The following MAMDC2 variants were observed in gnomAD, a reference collection of about 807,000 sequenced individuals.
MAMDC2 encodes MAM domain containing 2, also known as MAM domain-containing protein 2.
Under a neutral mutation model 89.8 loss-of-function variants are expected in MAMDC2, and 57 were observed. The observed-to-expected ratio is 0.63, with a 90% confidence interval of 0.51 to 0.79. The LOEUF (loss-of-function observed/expected upper bound fraction) is 0.79. Ranked by LOEUF, MAMDC2 falls within the 30% of genes least tolerant of loss-of-function variation. MAMDC2 has a pLI of 0.00. For missense variants in MAMDC2, 800 were observed against 820.6 expected, an observed-to-expected ratio of 0.97 and a Z score of 0.31; for synonymous variants, 313 against 293.4, an observed-to-expected ratio of 1.07 and a Z score of -0.68.
intron 11 of MAMDC2, among the ~76,000 whole-genome samples, chr9:70,183,784 T>G (rs895361401): frequency 1.2e-4 from 18 of 152,190 alleles, no homozygotes; most frequent in Non-Finnish European, 1.8e-4. Flanking sequence ...CACTGATGGG[T>G]CTTGACTCTA....
chr9:70,181,785 A>G (rs1391291613), intron 11 of MAMDC2, among the ~76,000 whole-genome samples: 1 of 152,156 alleles, frequency 6.6e-6, no homozygotes, highest in Non-Finnish European at 1.5e-5. Flanking sequence ...TAAATATACA[A>G]TCATGTCATC....
At chr9:70,101,868 A>G (rs995878399) in intron 2 of MAMDC2, among the ~76,000 whole-genome samples, 2 of 152,248 alleles carry the variant, frequency 1.3e-5, no homozygotes, top group Non-Finnish European at 2.9e-5. Context: ...TCAGTTTTAC[A>G]GTCTAAAGTC....
At chr9:70,116,406 G>A (rs1157487309) in intron 5 of MAMDC2, among the ~76,000 whole-genome samples, 1 of 152,186 alleles carries the variant, frequency 6.6e-6, no homozygotes, top group Non-Finnish European at 1.5e-5. Flanking sequence ...CCTAGGGATA[G>A]AGAAAGAGCC....
chr9:70,194,106 T>A (rs1174283911), intron 11 of MAMDC2: 1 of 152,110 alleles, frequency 6.6e-6, no homozygotes, highest in Non-Finnish European at 1.5e-5. Flanking sequence ...GGTGATGCAA[T>A]AAACCTTTCC....
intron 11 of MAMDC2, among the ~76,000 whole-genome samples, chr9:70,211,875 G>C (rs977005658): frequency 1.3e-5 from 2 of 152,214 alleles, no homozygotes; most frequent in African/African-American, 4.8e-5. Context: ...AGGTCTGTTG[G>C]AGTTTGCTGG....
intron 11 of MAMDC2, among the ~76,000 whole-genome samples, chr9:70,213,683 T>C (rs149622381): frequency 9.1e-4 from 139 of 152,362 alleles, no homozygotes; most frequent in Middle Eastern, 3.4e-3. Context: ...CATCATTGAA[T>C]GTGCAAAACC....
chr9:70,088,456 T>C (rs1827820231), intron 2 of MAMDC2: 1 of 152,130 alleles, frequency 6.6e-6, no homozygotes, highest in African/African-American at 2.4e-5. Context: ...TTGACTTTGA[T>C]CAAGTTTCTC....
chr9:70,058,412 G>T (rs772440255), intron 2 of MAMDC2, among the ~76,000 whole-genome samples: 1 of 152,056 alleles, frequency 6.6e-6, no homozygotes, highest in African/African-American at 2.4e-5. Flanking sequence ...GGTCTCAAAG[G>T]GTCCTTGTGA....
At chr9:70,082,326 C>A (rs565914215) in intron 2 of MAMDC2, among the ~76,000 whole-genome samples, 1 of 152,150 alleles carries the variant, frequency 6.6e-6, no homozygotes, top group Admixed American at 6.5e-5. Flanking sequence ...GGTAACAGCC[C>A]TTATGTAAGC....
At chr9:70,126,083 A>G in intron 5 of MAMDC2, 76 bp from the exon 6 acceptor site, 1 of 1,432,544 alleles carries the variant, frequency 7.0e-7, no homozygotes, top group Non-Finnish European at 9.5e-7. Flanking sequence ...ATGCAGAATC[A>G]CACCATTTCG....
chr9:70,083,704 T>C (rs1827706319), intron 2 of MAMDC2: 1 of 151,354 alleles, frequency 6.6e-6, no homozygotes, highest in South Asian at 2.1e-4. Context: ...CTTTCTTTTT[T>C]TTTTTTTTTT....
chr9:70,167,110 T>C lies in MAMDC2; in HGVS notation c.1405-1592T>C, dbSNP rs1266119553. Reference sequence around the variant, plus strand: ...AGATCATCTCTAGAATCTATAAACATGAGAAAATTAACAGAAGTAAACGAG... The same window carrying C: ...AGATCATCTCTAGAATCTATAAACACGAGAAAATTAACAGAAGTAAACGAG... On this transcript the variant is annotated intron_variant, in intron 9 of 13. Coordinates refer to ENST00000377182, the MANE Select transcript of MAMDC2 (RefSeq NM_153267.5). Among the ~76,000 whole-genome samples, 4 of 152,082 alleles carry C rather than the reference T, an allele frequency of 2.6e-5. No homozygotes were observed. The East Asian group carries it at 7.7e-4, about 29-fold the overall frequency.
chr9:70,082,591 T>A (rs1335200174), intron 2 of MAMDC2: 1 of 152,142 alleles, frequency 6.6e-6, no homozygotes, highest in Non-Finnish European at 1.5e-5. Context: ...GCAAGACTAT[T>A]GGGGTATTTT....
intron 2 of MAMDC2, among the ~76,000 whole-genome samples, chr9:70,089,634 G>T (rs1236905760): frequency 6.6e-6 from 1 of 152,096 alleles, no homozygotes; most frequent in African/African-American, 2.4e-5. Flanking sequence ...GTTGTGGTGA[G>T]GAGAGAAGCT....
intron 9 of MAMDC2, among the ~76,000 whole-genome samples, chr9:70,149,599 G>A (rs1250500267): frequency 2.0e-5 from 3 of 152,140 alleles, no homozygotes; most frequent in Non-Finnish European, 2.9e-5. Flanking sequence ...TTAACAAGCC[G>A]AGTGCTGTCC....
chr9:70,048,720 G>A (rs537695140), intron 2 of MAMDC2, among the ~76,000 whole-genome samples: 5 of 152,318 alleles, frequency 3.3e-5, no homozygotes, highest in South Asian at 4.1e-4. Flanking sequence ...AGCTGAAATC[G>A]GGGCTGCTTA....
In MAMDC2 at chr9:70,167,419, C is replaced by T. The variant is rs1224562263; in HGVS notation, c.1405-1283C>T. Among the ~76,000 whole-genome samples, 4 of 152,040 alleles carry T rather than the reference C, an allele frequency of 2.6e-5. No individual in the cohort carries two copies. The East Asian group carries it at 7.7e-4, about 29-fold the overall frequency. On this transcript the variant is annotated intron_variant, in intron 9 of 13. Coordinates refer to ENST00000377182, the MANE Select transcript of MAMDC2 (RefSeq NM_153267.5). ...AAGCAAAAGAACCCTACTGATAAAA[C>T]AATAAATTTAAAACATAACATTTTA...
At chr9:70,218,758 A>C (rs2033498078) in intron 12 of MAMDC2, among the ~76,000 whole-genome samples, 162 bp downstream of exon 12, 1 of 152,220 alleles carries the variant, frequency 6.6e-6, no homozygotes, top group Non-Finnish European at 1.5e-5. Context: ...ACATTGATTA[A>C]ATCTAAGCAG....
At chr9:70,223,242 A>G (rs145772605) in intron 12 of MAMDC2, among the ~76,000 whole-genome samples, 286 of 152,196 alleles carry the variant, frequency 1.9e-3, no homozygotes, top group African/African-American at 6.6e-3. Flanking sequence ...AACACCTAAC[A>G]GTTTCATATA....
Sources: allele counts gnomAD v4.1 joint callset (sites outside exome capture counted in the v4.1 genomes callset), GRCh38; gene constraint gnomAD v4.1.1; transcripts MANE v1.5; gene names NCBI Gene and HGNC (gene_info 2026-07-23, HGNC 2026-07-21).